ANKH: variants seen among roughly 807,000 people sequenced by gnomAD.
ANKH encodes ANKH inorganic pyrophosphate transport regulator.
In ANKH, 15 loss-of-function variants were observed where a neutral mutation model predicts 49.0. That is an observed-to-expected ratio of 0.31 (90% confidence interval 0.20 to 0.47). The LOEUF (loss-of-function observed/expected upper bound fraction) is 0.47. Among genes scored for constraint, ANKH ranks in the 20% least tolerant of loss-of-function variants. The probability of loss-of-function intolerance (pLI) is 1.00; values close to 1 mark genes in which losing one functional copy is unlikely to be tolerated. For synonymous variants in ANKH, 273 were observed against 260.0 expected (o/e 1.05, Z -0.48); for missense variants, 429 against 652.0 (o/e 0.66, Z 3.72).
intron 1 of ANKH, among the ~76,000 whole-genome samples, chr5:14,836,738 T>A (rs866889949): frequency 6.6e-6 from 1 of 152,054 alleles, no homozygotes; most frequent in Non-Finnish European, 1.5e-5. Flanking sequence ...AAGCTACCAA[T>A]GACTTTCTTC....
intron 11 of ANKH, among the ~76,000 whole-genome samples, chr5:14,712,231 G>A (rs956467258): frequency 2.6e-5 from 4 of 152,344 alleles, no homozygotes; most frequent in African/African-American, 7.2e-5. Flanking sequence ...CCGTGAGCAG[G>A]CTCTCTGAGT....
At chr5:14,758,291 G>A (rs1460938134) in intron 3 of ANKH, among the ~76,000 whole-genome samples, 189 bp downstream of exon 3, 1 of 152,206 alleles carries the variant, frequency 6.6e-6, no homozygotes, top group Non-Finnish European at 1.5e-5. Flanking sequence ...GAGGGTTACT[G>A]TTGAATTAGG....
Position 14,706,248 on chromosome 5 carries a change from T to G in ANKH, c.*4949A>C, listed in dbSNP as rs1736942860. 6.6e-6 allele frequency: 1 copy of G among 152,250 alleles called. No individual in the cohort carries two copies. Among genetic ancestry groups the G allele is most frequent in the Non-Finnish European group, 1.5e-5 (1 of 68,036 alleles). 9.4% of individuals were successfully genotyped at this position (152,250 alleles called of 1,614,324 possible). On this transcript the variant is annotated 3_prime_UTR_variant, in exon 12 of 12. Transcript: ENST00000284268. ...AAAATTTGCTGAATCTATGTGTAGCTGACAGCCACCTATAAAAGTGCATAT... is the reference window on the plus strand; with the variant it reads ...AAAATTTGCTGAATCTATGTGTAGCGGACAGCCACCTATAAAAGTGCATAT...
At chr5:14,721,711 A>G (rs889830371) in intron 8 of ANKH, among the ~76,000 whole-genome samples, 16 of 152,260 alleles carry the variant, frequency 1.1e-4, no homozygotes, top group African/African-American at 3.6e-4. Flanking sequence ...TGGGAGGATC[A>G]CAAGGTCAGG....
intron 6 of ANKH, among the ~76,000 whole-genome samples, chr5:14,747,477 T>C (rs1032265360): frequency 3.3e-5 from 5 of 152,094 alleles, no homozygotes; most frequent in African/African-American, 9.7e-5. Context: ...GGAGGATCGC[T>C]TGAGCCCAGG....
intron 1 of ANKH, among the ~76,000 whole-genome samples, chr5:14,771,978 CA>C (rs1739457845): frequency 3.3e-5 from 5 of 150,506 alleles, no homozygotes; most frequent in Admixed American, 6.6e-5. Context: ...AAACCGTTCC[CA>C]ATTATAATTG....
At chr5:14,731,702 T>G (rs1034347769) in intron 8 of ANKH, among the ~76,000 whole-genome samples, 1 of 152,224 alleles carries the variant, frequency 6.6e-6, no homozygotes. Flanking sequence ...TTGGAAATCC[T>G]AGAAGGGCCC....
chr5:14,719,689 T>C (rs541789112), intron 8 of ANKH, among the ~76,000 whole-genome samples: 39 of 152,272 alleles, frequency 2.6e-4, no homozygotes, highest in Middle Eastern at 3.4e-3. Context: ...GAATCAGGGC[T>C]CAGCGTCAGA....
intron 1 of ANKH, among the ~76,000 whole-genome samples, chr5:14,866,786 A>G (rs915968160): frequency 1.3e-4 from 20 of 152,186 alleles, no homozygotes; most frequent in Non-Finnish European, 2.9e-5. Context: ...TATCTGGGTA[A>G]TTAAGCTTTT....
intron 3 of ANKH, 97 bp from the exon 4 acceptor site, chr5:14,756,041 T>C (rs1402455091): frequency 1.1e-5 from 12 of 1,046,510 alleles, no homozygotes; most frequent in Non-Finnish European, 1.6e-5. Flanking sequence ...ATACACTTTA[T>C]ACCCCCTCAA....
At chr5:14,769,261 G>A in intron 1 of ANKH, 70 bp from the exon 2 acceptor site, 1 of 1,313,940 alleles carries the variant, frequency 7.6e-7, no homozygotes, top group Non-Finnish European at 1.1e-6. Context: ...ATACCTCTAA[G>A]ATGAAATTCA....
chr5:14,776,789 G>C (rs940358735), intron 1 of ANKH, among the ~76,000 whole-genome samples: 1 of 152,208 alleles, frequency 6.6e-6, no homozygotes, highest in Non-Finnish European at 1.5e-5. Context: ...GTTTAAAGGC[G>C]AGTCTCTAAA....
intron 5 of ANKH, 53 bp from the exon 6 acceptor site, chr5:14,749,359 A>T (rs1208358943): frequency 6.3e-7 from 1 of 1,598,574 alleles, no homozygotes; most frequent in African/African-American, 1.3e-5. Context: ...GCAGAATGGA[A>T]AAAACGATTC....
chr5:14,844,676 A>T (rs1444841257), intron 1 of ANKH, among the ~76,000 whole-genome samples: 1 of 152,200 alleles, frequency 6.6e-6, no homozygotes, highest in African/African-American at 2.4e-5. Context: ...AGCCCCTTTC[A>T]CTGTCTGTGA....
chr5:14,842,126 C>T (rs1169490751), intron 1 of ANKH, among the ~76,000 whole-genome samples: 1 of 152,200 alleles, frequency 6.6e-6, no homozygotes, highest in Non-Finnish European at 1.5e-5. Flanking sequence ...ATATAGGAGG[C>T]TATTTCCTGG....
intron 1 of ANKH, among the ~76,000 whole-genome samples, chr5:14,859,276 CT>C (rs1251059683): frequency 6.6e-6 from 1 of 152,198 alleles, no homozygotes; most frequent in African/African-American, 2.4e-5. Context: ...AGACAGTTGT[CT>C]TTTTGTGTCT....
At chr5:14,742,830 G>T (rs956671571) in intron 7 of ANKH, among the ~76,000 whole-genome samples, 1 of 152,242 alleles carries the variant, frequency 6.6e-6, no homozygotes, top group African/African-American at 2.4e-5. Context: ...AAAGGCGCCT[G>T]CCGAGGCTCT....
At chr5:14,828,590 CTTT>C (rs988347294) in intron 1 of ANKH, among the ~76,000 whole-genome samples, 3 of 151,878 alleles carry the variant, frequency 2.0e-5, no homozygotes, top group Non-Finnish European at 4.4e-5. Context: ...CTTTCTTCTT[CTTT>C]TTTTTAATAC....
chr5:14,838,803 G>A (rs1324135893), intron 1 of ANKH, among the ~76,000 whole-genome samples: 1 of 152,134 alleles, frequency 6.6e-6, no homozygotes, highest in Non-Finnish European at 1.5e-5. Flanking sequence ...ACACTCCGTG[G>A]TGTGAATTTT....
Sources: gnomAD v4.1 joint callset for allele counts (sites outside exome capture counted in the v4.1 genomes callset) on GRCh38, gnomAD v4.1.1 for gene constraint, MANE v1.5 for transcripts, NCBI Gene and HGNC (gene_info 2026-07-23, HGNC 2026-07-21) for gene names.